MIB1: variants seen among roughly 807,000 people sequenced by gnomAD.
The protein encoded by MIB1 is E3 ubiquitin-protein ligase MIB1.
MIB1 carries 278 observed loss-of-function variants against 124.5 expected under a neutral mutation model. That is an observed-to-expected ratio of 2.23 (90% CI 2.02 to 2.47). MIB1 has a LOEUF of 2.47. MIB1 is among the 30% of genes most tolerant of loss of function. The pLI is 0.00. For missense variants in MIB1, 957 were observed against 1,254.4 expected, an observed-to-expected ratio of 0.76 and a Z score of 3.58; for synonymous variants, 446 against 429.4, an observed-to-expected ratio of 1.04 and a Z score of -0.48.
At chr18:21,728,179 T>C (rs1378774658) in intron 1 of MIB1, among the ~76,000 whole-genome samples, 6 of 152,158 alleles carry the variant, frequency 3.9e-5, no homozygotes, top group Non-Finnish European at 1.5e-5. Flanking sequence ...TAAATAAAGT[T>C]AAGTCTTTCT....
At chr18:21,861,168 T>C (rs2042273285) in intron 20 of MIB1, among the ~76,000 whole-genome samples, 1 of 152,182 alleles carries the variant, frequency 6.6e-6, no homozygotes, top group Non-Finnish European at 1.5e-5. Flanking sequence ...ATACTTTTTA[T>C]AGAATGAATA....
chr18:21,737,274 G>A (rs1303794744), upstream of MIB1, among the ~76,000 whole-genome samples: 2 of 152,088 alleles, frequency 1.3e-5, no homozygotes, highest in African/African-American at 4.8e-5. Flanking sequence ...TTCATATCCA[G>A]CCAAACTAAC....
chr18:21,778,639 G>T (rs948913214), intron 5 of MIB1, among the ~76,000 whole-genome samples: 1 of 152,044 alleles, frequency 6.6e-6, no homozygotes, highest in Non-Finnish European at 1.5e-5. Context: ...CCTTCATTTT[G>T]TAGATTTATT....
At chr18:21,835,771 A>AG (rs2042021441) in intron 12 of MIB1, among the ~76,000 whole-genome samples, 2 of 85,580 alleles carry the variant, frequency 2.3e-5, no homozygotes, top group Admixed American at 1.2e-4. Flanking sequence ...CTCCATCTCA[A>AG]GAAAAAAAAA....
intron 13 of MIB1, among the ~76,000 whole-genome samples, chr18:21,840,656 TATATA>T (rs2042078329): frequency 7.4e-3 from 15 of 2,032 alleles, no homozygotes; most frequent in African/African-American, 0.011. Context: ...TATATATATA[TATATA>T]TATATTTTTT....
chr18:21,757,797 AT>A (rs777543401), intron 1 of MIB1, among the ~76,000 whole-genome samples: 87 of 152,116 alleles, frequency 5.7e-4, no homozygotes, highest in Non-Finnish European at 1.0e-3. Flanking sequence ...GTCTTTTAAC[AT>A]TTTAAAATAT....
At chr18:21,709,748 A>C (rs2040657441) in intron 1 of MIB1, among the ~76,000 whole-genome samples, 1 of 152,238 alleles carries the variant, frequency 6.6e-6, no homozygotes, top group Non-Finnish European at 1.5e-5. Context: ...TGTTTACCTC[A>C]AGCATGTAAT....
At chr18:21,735,980 C>G (rs2040795296), upstream of MIB1, among the ~76,000 whole-genome samples, 1 of 152,252 alleles carries the variant, frequency 6.6e-6, no homozygotes, top group Admixed American at 6.5e-5. Flanking sequence ...CTGTCTGACA[C>G]CTGTGAAGAG....
chr18:21,804,073 A>G (rs2041678884), intron 10 of MIB1, 59 bp downstream of exon 10: 2 of 1,157,088 alleles, frequency 1.7e-6, no homozygotes, highest in Non-Finnish European at 1.3e-6. Context: ...TAATACTTCT[A>G]TATCATGAGA....
chr18:21,852,718 A>G (rs2042190800), intron 17 of MIB1, among the ~76,000 whole-genome samples: 2 of 152,186 alleles, frequency 1.3e-5, no homozygotes, highest in South Asian at 4.1e-4. Flanking sequence ...GATTTTAGCA[A>G]TTTGGCTAAT....
At chr18:21,711,034 C>G (rs1427749035) in intron 1 of MIB1, among the ~76,000 whole-genome samples, 1 of 151,956 alleles carries the variant, frequency 6.6e-6, no homozygotes, top group Non-Finnish European at 1.5e-5. Flanking sequence ...ACCATGTTGG[C>G]CAGGCTGGTC....
intron 12 of MIB1, among the ~76,000 whole-genome samples, chr18:21,833,796 G>A (rs1212630521): frequency 6.6e-6 from 1 of 152,176 alleles, no homozygotes; most frequent in Non-Finnish European, 1.5e-5. Context: ...AGGGATTATG[G>A]TAGGCACTGC....
At chr18:21,800,203 C>G (rs142480418) in intron 9 of MIB1, among the ~76,000 whole-genome samples, 1 of 151,876 alleles carries the variant, frequency 6.6e-6, no homozygotes, top group Non-Finnish European at 1.5e-5. Flanking sequence ...TACACACTTA[C>G]ATTTTGGTTT....
At chr18:21,858,518 T>G (rs2146521046) in intron 19 of MIB1, 28 bp from the exon 20 acceptor site, 1 of 1,018,400 alleles carries the variant, frequency 9.8e-7, no homozygotes, top group African/African-American at 1.6e-5. Context: ...CAATAATAAC[T>G]GAAAATCTTT....
chr18:21,791,350 T>G, intron 6 of MIB1, 24 bp from the exon 7 acceptor site: 2 of 1,564,142 alleles, frequency 1.3e-6, no homozygotes, highest in Non-Finnish European at 1.7e-6. Flanking sequence ...CTACCCATTT[T>G]GAGGTTTAGC....
intron 18 of MIB1, among the ~76,000 whole-genome samples, chr18:21,855,957 GC>G (rs1258831496): frequency 5.3e-5 from 8 of 152,184 alleles, no homozygotes; most frequent in Non-Finnish European, 1.2e-4. Context: ...AGGGCCGGGC[GC>G]GGTGGCTCAC....
intron 1 of MIB1, among the ~76,000 whole-genome samples, chr18:21,759,023 A>G (rs1483543974): frequency 6.6e-6 from 1 of 152,108 alleles, no homozygotes; most frequent in African/African-American, 2.4e-5. Context: ...TCCATCTAGA[A>G]AGAAAGCATT....
chr18:21,758,571 G>T (rs951972187), intron 1 of MIB1, among the ~76,000 whole-genome samples: 1 of 151,486 alleles, frequency 6.6e-6, no homozygotes, highest in African/African-American at 2.4e-5. Flanking sequence ...GTCTCACTCT[G>T]TCACCCAGGC....
At chr18:21,781,365 T>TTTTATATATATA (rs1373138711) in intron 6 of MIB1, among the ~76,000 whole-genome samples, 1 of 67,254 alleles carries the variant, frequency 1.5e-5, no homozygotes, top group Non-Finnish European at 3.3e-5. Flanking sequence ...TCTGTTCAAG[T>TTTTATATATATA]TATATATATA....
Sources: allele counts gnomAD v4.1 joint callset (sites outside exome capture counted in the v4.1 genomes callset), GRCh38; gene constraint gnomAD v4.1.1; transcripts MANE v1.5; gene names NCBI Gene and HGNC (gene_info 2026-07-23, HGNC 2026-07-21).